Variants in ST6GALNAC3 observed in about 807,000 individuals in gnomAD.
ST6GALNAC3 encodes alpha-N-acetylgalactosaminide alpha-2,6-sialyltransferase 3.
A neutral mutation model predicts 32.7 loss-of-function variants in ST6GALNAC3; 25 were observed. That is an observed-to-expected ratio of 0.76 (90% CI 0.56 to 1.07). The LOEUF (loss-of-function observed/expected upper bound fraction) is 1.07. ST6GALNAC3 is among the 50% of genes least tolerant of loss of function. The pLI, the probability that ST6GALNAC3 is intolerant of heterozygous loss-of-function variation, is 0.00. For missense variants in ST6GALNAC3, 355 were observed against 382.4 expected, an observed-to-expected ratio of 0.93 and a Z score of 0.60; for synonymous variants, 129 against 133.1, an observed-to-expected ratio of 0.97 and a Z score of 0.21.
At chr1:76,539,204 T>C (rs567501641) in intron 3 of ST6GALNAC3, among the ~76,000 whole-genome samples, 1 of 152,092 alleles carries the variant, frequency 6.6e-6, no homozygotes, top group Admixed American at 6.5e-5. Flanking sequence ...ACCTCAGAAA[T>C]AACACCACAC....
chr1:76,552,355 T>C (rs1341504034), intron 3 of ST6GALNAC3, among the ~76,000 whole-genome samples: 2 of 152,160 alleles, frequency 1.3e-5, no homozygotes, highest in African/African-American at 4.8e-5. Flanking sequence ...CCCTACTGAA[T>C]TGGATGCCTC....
chr1:76,293,778 C>T (rs1267504899), intron 1 of ST6GALNAC3, among the ~76,000 whole-genome samples: 1 of 152,066 alleles, frequency 6.6e-6, no homozygotes, highest in Non-Finnish European at 1.5e-5. Context: ...CAGTAAAATT[C>T]CTTCTGTTTC....
At chr1:76,433,356 T>A (rs1655907889) in intron 3 of ST6GALNAC3, among the ~76,000 whole-genome samples, 1 of 152,186 alleles carries the variant, frequency 6.6e-6, no homozygotes, top group Non-Finnish European at 1.5e-5. Context: ...TCTGTTCTGC[T>A]CTGTAACGTG....
At chr1:76,475,391 T>G (rs1659286263) in intron 3 of ST6GALNAC3, among the ~76,000 whole-genome samples, 1 of 152,206 alleles carries the variant, frequency 6.6e-6, no homozygotes, top group Non-Finnish European at 1.5e-5. Context: ...GGGGTTGTTT[T>G]GAAGAGTAAA....
At chr1:76,498,025 G>A (rs1427717452) in intron 3 of ST6GALNAC3, among the ~76,000 whole-genome samples, 1 of 152,128 alleles carries the variant, frequency 6.6e-6, no homozygotes, top group African/African-American at 2.4e-5. Context: ...TCACCCTATG[G>A]CTGAGCTCTC....
intron 3 of ST6GALNAC3, among the ~76,000 whole-genome samples, chr1:76,503,241 A>G (rs923384308): frequency 6.6e-6 from 1 of 152,188 alleles, no homozygotes; most frequent in Admixed American, 6.5e-5. Flanking sequence ...TCTTGCCTTC[A>G]CTTCTTTGTT....
At chr1:76,172,202 G>A (rs989331844) in intron 1 of ST6GALNAC3, among the ~76,000 whole-genome samples, 7 of 151,964 alleles carry the variant, frequency 4.6e-5, no homozygotes, top group South Asian at 2.1e-4. Flanking sequence ...ATCAATAAAC[G>A]TAATCCATCA....
At chr1:76,296,342 G>A (rs928280789) in intron 1 of ST6GALNAC3, among the ~76,000 whole-genome samples, 13 of 152,064 alleles carry the variant, frequency 8.5e-5, no homozygotes, top group Non-Finnish European at 1.3e-4. Context: ...GAGTTCTTTC[G>A]TAGCTTTGAG....
intron 1 of ST6GALNAC3, among the ~76,000 whole-genome samples, chr1:76,259,692 C>T (rs1220497621): frequency 6.6e-6 from 1 of 151,984 alleles, no homozygotes; most frequent in Non-Finnish European, 1.5e-5. Context: ...TGAAAATAAC[C>T]CTTCTCTCTA....
chr1:76,261,152 G>C (rs1178201811), intron 1 of ST6GALNAC3, among the ~76,000 whole-genome samples: 1 of 152,092 alleles, frequency 6.6e-6, no homozygotes, highest in Non-Finnish European at 1.5e-5. Context: ...ATGATGCACA[G>C]TAGGCCACTT....
chr1:76,588,055 T>C (rs1261312483), intron 3 of ST6GALNAC3, among the ~76,000 whole-genome samples: 1 of 152,208 alleles, frequency 6.6e-6, no homozygotes, highest in African/African-American at 2.4e-5. Context: ...TTTTCCATTT[T>C]TACCGGCAGC....
intron 3 of ST6GALNAC3, among the ~76,000 whole-genome samples, chr1:76,468,585 G>A (rs983202818): frequency 6.6e-6 from 1 of 151,824 alleles, no homozygotes; most frequent in African/African-American, 2.4e-5. Flanking sequence ...CACTCCTTTC[G>A]ATGCACTGAT....
intron 2 of ST6GALNAC3, among the ~76,000 whole-genome samples, chr1:76,367,894 T>C (rs1050991616): frequency 5.3e-5 from 8 of 152,212 alleles, no homozygotes; most frequent in Admixed American, 3.9e-4. Context: ...AAAAACATGC[T>C]ACAAAAGCAT....
intron 1 of ST6GALNAC3, among the ~76,000 whole-genome samples, chr1:76,181,564 AT>A (rs1392728439): frequency 6.6e-6 from 1 of 152,230 alleles, no homozygotes. Flanking sequence ...CTTATATTTA[AT>A]CAACATGCAA....
chr1:76,523,061 T>C (rs1461376670), intron 3 of ST6GALNAC3, among the ~76,000 whole-genome samples: 1 of 152,184 alleles, frequency 6.6e-6, no homozygotes, highest in Admixed American at 6.6e-5. Context: ...TCCTGTGGAT[T>C]CCAGTTTATT....
intron 3 of ST6GALNAC3, among the ~76,000 whole-genome samples, chr1:76,575,010 A>T (rs1646778100): frequency 6.6e-6 from 1 of 152,084 alleles, no homozygotes; most frequent in African/African-American, 2.4e-5. Context: ...ATTTTAGTAG[A>T]AACTCTGAAT....
At chr1:76,086,138 TC>T (rs1646961620) in intron 1 of ST6GALNAC3, among the ~76,000 whole-genome samples, 1 of 152,210 alleles carries the variant, frequency 6.6e-6, no homozygotes, top group South Asian at 2.1e-4. Context: ...GCATATCAAA[TC>T]CTTTCTCACA....
intron 3 of ST6GALNAC3, among the ~76,000 whole-genome samples, chr1:76,576,134 C>T (rs1415354545): frequency 6.6e-6 from 1 of 152,022 alleles, no homozygotes; most frequent in Non-Finnish European, 1.5e-5. Flanking sequence ...CCTTAGGCAA[C>T]TCTGCTCGAA....
chr1:76,176,466 C>T (rs1203799801), intron 1 of ST6GALNAC3, among the ~76,000 whole-genome samples: 1 of 152,184 alleles, frequency 6.6e-6, no homozygotes, highest in Non-Finnish European at 1.5e-5. Context: ...CTTGTGAAAA[C>T]AATTCTAATC....
Sources: gnomAD v4.1 joint callset for allele counts (sites outside exome capture counted in the v4.1 genomes callset) on GRCh38, gnomAD v4.1.1 for gene constraint, MANE v1.5 for transcripts, NCBI Gene and HGNC (gene_info 2026-07-23, HGNC 2026-07-21) for gene names.